PCDHGA7: variants seen among roughly 807,000 people sequenced by gnomAD.
PCDHGA7 encodes the protein protocadherin gamma-A7.
A neutral mutation model predicts 58.3 loss-of-function variants in PCDHGA7; 44 were observed. The observed-to-expected ratio is 0.75, with a 90% CI of 0.59 to 0.97. The LOEUF (loss-of-function observed/expected upper bound fraction) is 0.97. PCDHGA7 is among the 50% of genes least tolerant of loss of function. The pLI, the probability that PCDHGA7 is intolerant of heterozygous loss-of-function variation, is 0.00. For synonymous variants in PCDHGA7, 516 were observed against 504.2 expected, an observed-to-expected ratio of 1.02 and a Z score of -0.31; for missense variants, 1,266 against 1,188.7, an observed-to-expected ratio of 1.06 and a Z score of -0.96.
In PCDHGA7 at chr5:141,489,662, G is replaced by C; in HGVS notation, c.2425-5145G>C. 8.1e-6 allele frequency: 13 copies of C among 1,614,144 alleles called. No individual in the cohort carries two copies. The highest frequency in any genetic ancestry group is 1.1e-5 in the Non-Finnish European group (13 of 1,180,010). On this transcript the variant is annotated intron_variant, in intron 1 of 3. Coordinates refer to ENST00000518325, the MANE Select transcript of PCDHGA7 (RefSeq NM_018920.4). This position sits in a 1 kb window ranked among gnomAD's most constrained non-coding sequence, Gnocchi z 4.5. The stretch of plus-strand genomic sequence containing the variant: ...TTTGCCACCCCTGAGCGAGAGATGC[G>C]CATCTCAGAATCAGCAGCATCTGGG...
chr5:141,408,973 T>G lies in PCDHGA7; in HGVS notation c.2424+23650T>G, dbSNP rs754120948. 4.3e-5 allele frequency: 70 copies of G among 1,613,718 alleles called. No homozygotes were observed. In the Admixed American group the frequency reaches 6.5e-4, roughly 15 times the overall value. ...TTAGTCTTAGTGAAAATCTGCCCCC[T>G]GGGTCCCCTGTGTTGCAAGTGACAG... On this transcript the variant is annotated intron_variant, in intron 1 of 3. Transcript: ENST00000518325.
intron 1 of PCDHGA7, among the ~76,000 whole-genome samples, chr5:141,467,305 G>A (rs535466592): frequency 1.3e-5 from 2 of 152,078 alleles, no homozygotes; most frequent in African/African-American, 4.8e-5. Flanking sequence ...CACTCACCTC[G>A]GCCTCCCACA....
chr5:141,445,388 A>G (rs2098465525), intron 1 of PCDHGA7, among the ~76,000 whole-genome samples: 2 of 152,212 alleles, frequency 1.3e-5, no homozygotes, highest in African/African-American at 4.8e-5. Flanking sequence ...TCATTCATTT[A>G]CATAACAAAT....
chr5:141,490,942 C>A lies in PCDHGA7; in HGVS notation c.2425-3865C>A, dbSNP rs371286343. On this transcript the variant is annotated intron_variant, in intron 1 of 3. Coordinates refer to ENST00000518325, the MANE Select transcript of PCDHGA7 (RefSeq NM_018920.4). This position sits in a 1 kb window ranked among gnomAD's most constrained non-coding sequence, Gnocchi z 5.4. ...TAATGCCCCAGCTGTGCTGCACCCA[C>A]GGCCAGACTGGGAACACTCAGCCCC... The A allele has an allele frequency of 3.0e-5, 49 of 1,613,526 alleles. No individual in the cohort carries two copies. The highest frequency in any genetic ancestry group is 4.1e-5 in the Non-Finnish European group (48 of 1,179,768).
intron 1 of PCDHGA7, among the ~76,000 whole-genome samples, chr5:141,407,761 G>T (rs938743690): frequency 6.6e-6 from 1 of 152,132 alleles, no homozygotes; most frequent in Non-Finnish European, 1.5e-5. Context: ...GTATAAGTTT[G>T]AAATTGTGCA....
chr5:141,476,225 A>G lies in PCDHGA7; in HGVS notation c.2425-18582A>G, dbSNP rs1414835001. ...GGCTTCCACGGTCATTCACTATGAG[A>G]TCCCGGAGGAAAGAGAGAAGGGTTT... On this transcript the variant is annotated intron_variant, in intron 1 of 3. Transcript: ENST00000518325. This position sits in a 1 kb window ranked among gnomAD's most constrained non-coding sequence, Gnocchi z 7.6. 3 of 1,613,882 alleles carry G rather than the reference A, an allele frequency of 1.9e-6. No homozygotes were observed. The highest frequency in any genetic ancestry group is 2.5e-6 in the Non-Finnish European group (3 of 1,180,012).
chr5:141,472,132 A>C (rs1004365239), intron 1 of PCDHGA7, among the ~76,000 whole-genome samples: 3 of 152,272 alleles, frequency 2.0e-5, no homozygotes, highest in African/African-American at 7.2e-5. Flanking sequence ...GAGAAGTTAA[A>C]AATAAAAGTT....
At position 141,491,834 on chromosome 5, in the gene PCDHGA7, C is replaced by T; in HGVS notation, c.2425-2973C>T. 6 of 1,473,830 alleles carry T rather than the reference C, an allele frequency of 4.1e-6. No homozygotes were observed. The highest frequency in any genetic ancestry group is 5.4e-6 in the Non-Finnish European group (6 of 1,112,366). The allele number at this position is 1,473,830 out of a possible 1,614,324, so 91.3% of individuals were successfully genotyped here. ...CGCTGGCTGCGCTCCACCCGATTCTCGGGATCATTGGACCGTTTGCGCGAA... is the reference window on the plus strand; with the variant it reads ...CGCTGGCTGCGCTCCACCCGATTCTTGGGATCATTGGACCGTTTGCGCGAA... On this transcript the variant is annotated intron_variant, in intron 1 of 3. Transcript: ENST00000518325. This position sits in a 1 kb window ranked among gnomAD's most constrained non-coding sequence, Gnocchi z 6.9.
chr5:141,422,828 T>C (rs1273420440), intron 1 of PCDHGA7: 2 of 1,614,232 alleles, frequency 1.2e-6, no homozygotes, highest in East Asian at 4.5e-5. Context: ...CTGAGAGTGA[T>C]AGCACGTGAC....
intron 1 of PCDHGA7, among the ~76,000 whole-genome samples, chr5:141,442,921 CATTTTCTA>C (rs1366534082): frequency 6.6e-6 from 1 of 152,196 alleles, no homozygotes. Context: ...ACAACTGTTT[CATTTTCTA>C]TTTAAGAAAC....
At chr5:141,458,359 A>C (rs2098943826) in intron 1 of PCDHGA7, among the ~76,000 whole-genome samples, 1 of 152,142 alleles carries the variant, frequency 6.6e-6, no homozygotes, top group Non-Finnish European at 1.5e-5. Context: ...AATAAGCAAG[A>C]AGGAAGGGAG....
chr5:141,419,275 G>A, intron 1 of PCDHGA7: 26 of 1,613,974 alleles, frequency 1.6e-5, no homozygotes, highest in Non-Finnish European at 2.2e-5. Flanking sequence ...CCTCCATAGC[G>A]CAAGTCAGTG....
Position 141,390,351 on chromosome 5 carries a change from C to T in PCDHGA7, c.2424+5028C>T, listed in dbSNP as rs1561631456. 5 of 1,558,898 alleles carry T rather than the reference C, an allele frequency of 3.2e-6. No homozygotes were observed. The Admixed American group carries it at 9.1e-5, about 28-fold the overall frequency. On this transcript the variant is annotated intron_variant, in intron 1 of 3. Transcript: ENST00000518325. ...TTCTCCATATTCACAAGAAAATATA[C>T]ATATTTGCAGGAAAATATATAATTT...
rs367914755 is a variant in PCDHGA7 at position 141,399,963 on chromosome 5, C to T, written c.2424+14640C>T. ...TGCTGCAGGCTAGCGAGCCCGGGCT[C>T]TTCAGCCTGGGGCTGCGCACAGGAG... On this transcript the variant is annotated intron_variant, in intron 1 of 3. Transcript: ENST00000518325. 793 of 1,612,310 alleles carry T rather than the reference C, an allele frequency of 4.9e-4. 4 individuals are homozygous for T. Among genetic ancestry groups the T allele is most frequent in the Non-Finnish European group, 3.8e-4 (443 of 1,179,704 alleles).
At chr5:141,394,300 T>A (rs753637808) in intron 1 of PCDHGA7, 1 of 1,613,938 alleles carries the variant, frequency 6.2e-7, no homozygotes, top group Admixed American at 1.7e-5. Context: ...GAGGACACGC[T>A]GCAGGGGGCG....
At position 141,476,396 on chromosome 5, in the gene PCDHGA7, C is replaced by A; in HGVS notation, c.2425-18411C>A. The A allele has an allele frequency of 6.2e-7, 1 of 1,614,032 alleles. No homozygotes were observed. Among genetic ancestry groups the A allele is most frequent in the Non-Finnish European group, 8.5e-7 (1 of 1,180,020 alleles). Reference sequence around the variant, plus strand: ...GATGTTTGTGAACGACCGTCTGGATCGAGAGGAGCTGTGTGGGACACTGCC... The same window carrying A: ...GATGTTTGTGAACGACCGTCTGGATAGAGAGGAGCTGTGTGGGACACTGCC... On this transcript the variant is annotated intron_variant, in intron 1 of 3. Transcript: ENST00000518325. The surrounding 1 kb of genome is among the most constrained non-coding windows in gnomAD (Gnocchi z 7.6).
At chr5:141,398,621 ACT>A in intron 1 of PCDHGA7, 3 of 1,613,968 alleles carry the variant, frequency 1.9e-6, no homozygotes, top group Non-Finnish European at 2.5e-6. Flanking sequence ...ATTGGCTTAA[ACT>A]CTCTGCAGAA....
At chr5:141,400,394 G>A in intron 1 of PCDHGA7, 2 of 1,614,072 alleles carry the variant, frequency 1.2e-6, no homozygotes, top group Non-Finnish European at 1.7e-6. Context: ...GCACATACAG[G>A]AAAGACGGAG....
intron 1 of PCDHGA7, among the ~76,000 whole-genome samples, chr5:141,425,068 A>G (rs1484760901): frequency 6.6e-6 from 1 of 152,174 alleles, no homozygotes; most frequent in African/African-American, 2.4e-5. Context: ...GGACAAAAAT[A>G]ATTTCAACTG....
Sources: allele counts gnomAD v4.1 joint callset (sites outside exome capture counted in the v4.1 genomes callset), GRCh38; gene constraint gnomAD v4.1.1; non-coding constraint Gnocchi (gnomAD v3.1); transcripts MANE v1.5; gene names NCBI Gene and HGNC (gene_info 2026-07-23, HGNC 2026-07-21).